The following LRP1B variants were observed in gnomAD, a reference collection of about 807,000 sequenced individuals.
LRP1B encodes the protein LDL receptor related protein 1B, also known as low-density lipoprotein receptor-related protein 1B.
In LRP1B, 217 loss-of-function variants were observed where a neutral mutation model predicts 556.6. The observed-to-expected ratio is 0.39, with a 90% CI of 0.35 to 0.44. LRP1B has a LOEUF of 0.44. Among genes scored for constraint, LRP1B ranks in the 20% least tolerant of loss-of-function variants. The pLI, the probability that LRP1B is intolerant of heterozygous loss-of-function variation, is 1.00. For missense variants in LRP1B, 5,053 were observed against 5,620.8 expected (o/e 0.90, Z 3.23); for synonymous variants, 2,047 against 1,865.8 (o/e 1.10, Z -2.50).
intron 37 of LRP1B, among the ~76,000 whole-genome samples, chr2:140,710,275 A>G (rs1399991082): frequency 6.6e-6 from 1 of 152,062 alleles, no homozygotes; most frequent in African/African-American, 2.4e-5. Context: ...ACTTGTTGAC[A>G]GATGGAAATA....
intron 3 of LRP1B, among the ~76,000 whole-genome samples, chr2:141,284,586 G>T (rs1003128178): frequency 6.6e-6 from 1 of 152,140 alleles, no homozygotes; most frequent in African/African-American, 2.4e-5. Flanking sequence ...TCCTCTAAAA[G>T]CTTTACGATT....
chr2:140,890,224 T>C (rs1693760064), intron 23 of LRP1B, among the ~76,000 whole-genome samples: 3 of 152,036 alleles, frequency 2.0e-5, no homozygotes, highest in Non-Finnish European at 4.4e-5. Flanking sequence ...TACACCAGGC[T>C]CTCAAAAGGG....
At chr2:142,078,842 T>C (rs1035106344) in intron 1 of LRP1B, among the ~76,000 whole-genome samples, 4 of 150,160 alleles carry the variant, frequency 2.7e-5, no homozygotes, top group South Asian at 2.1e-4. Context: ...TATACATGTA[T>C]AGTGCCTAAA....
At chr2:140,570,765 C>T (rs1681294157) in intron 43 of LRP1B, among the ~76,000 whole-genome samples, 1 of 151,688 alleles carries the variant, frequency 6.6e-6, no homozygotes, top group Admixed American at 6.6e-5. Context: ...TACAAAAATT[C>T]TCAACAAAAT....
intron 83 of LRP1B, among the ~76,000 whole-genome samples, chr2:140,302,411 C>G (rs1683873278): frequency 6.6e-6 from 1 of 152,190 alleles, no homozygotes; most frequent in African/African-American, 2.4e-5. Flanking sequence ...TACATACTTT[C>G]ACTAGACTAT....
In LRP1B at chr2:140,980,403, T is replaced by A. The variant is rs547913546; in HGVS notation, c.2887+1757A>T. Among the ~76,000 whole-genome samples, 6 of 152,290 alleles carry A rather than the reference T, an allele frequency of 3.9e-5. No individual in the cohort carries two copies. In the East Asian group the frequency reaches 1.2e-3, roughly 29 times the overall value. On this transcript the variant is annotated intron_variant, in intron 18 of 90. Transcript: ENST00000389484. ...ATAGTGGAAAAGAGAGAGAATACAC[T>A]GCTCAACCCACTTTATTGGTCAGGC...
intron 41 of LRP1B, among the ~76,000 whole-genome samples, chr2:140,659,451 G>T (rs1018202636): frequency 7.2e-5 from 11 of 151,954 alleles, no homozygotes; most frequent in African/African-American, 2.7e-4. Context: ...TTAGTGATGT[G>T]GTGCCAGACC....
chr2:140,807,861 G>T (rs1038664212), intron 32 of LRP1B, among the ~76,000 whole-genome samples: 10 of 151,872 alleles, frequency 6.6e-5, no homozygotes, highest in African/African-American at 1.7e-4. Flanking sequence ...GGAGGCCAAG[G>T]TGGGTGGATC....
intron 66 of LRP1B, among the ~76,000 whole-genome samples, chr2:140,432,874 T>G (rs1429172553): frequency 6.6e-6 from 1 of 151,260 alleles, no homozygotes. Flanking sequence ...TTCCTGACTC[T>G]TTTTTGTAGT....
chr2:140,669,308 A>G, intron 41 of LRP1B, among the ~76,000 whole-genome samples: 1 of 152,200 alleles, frequency 6.6e-6, no homozygotes, highest in Admixed American at 6.5e-5. Context: ...ACAGTAGTAT[A>G]TCATGTTAAT....
chr2:141,331,398 T>C (rs111864832), intron 3 of LRP1B, among the ~76,000 whole-genome samples: 3,202 of 152,256 alleles, frequency 0.021, 56 homozygotes, highest in Non-Finnish European at 0.034. Flanking sequence ...ATTGGGTTGA[T>C]ATGGAGATGG....
chr2:141,765,188 G>A lies in LRP1B; in HGVS notation c.205+45091C>T, dbSNP rs533892095. On this transcript the variant is annotated intron_variant, in intron 2 of 90. Coordinates refer to ENST00000389484, the MANE Select transcript of LRP1B (RefSeq NM_018557.3). The stretch of plus-strand genomic sequence containing the variant: ...TTTAGTATAACCTGAGAGAAGCAGA[G>A]ATCCGTAAACAGTGTAAATGGTTAA... Among the ~76,000 whole-genome samples, 91 of 152,292 alleles carry A rather than the reference G, an allele frequency of 6.0e-4. 1 individual carries two copies. Among genetic ancestry groups the A allele is most frequent in the African/African-American group, 2.0e-3 (82 of 41,564 alleles).
chr2:141,512,556 G>A (rs953791998), intron 2 of LRP1B, among the ~76,000 whole-genome samples: 21 of 152,278 alleles, frequency 1.4e-4, no homozygotes, highest in Middle Eastern at 3.4e-3. Context: ...GTTCCTGAAT[G>A]ACTTCATGGA....
At chr2:141,993,472 TG>T (rs1702400376) in intron 1 of LRP1B, among the ~76,000 whole-genome samples, 1 of 152,240 alleles carries the variant, frequency 6.6e-6, no homozygotes, top group Admixed American at 6.5e-5. Context: ...CGGCTCCCAT[TG>T]GTAATGCCTA....
Position 140,850,107 on chromosome 2 carries a change from G to T in LRP1B, c.4934C>A (p.Ser1645Ter), listed in dbSNP as rs375614524. The part of the protein sequence containing the change: ...INGTGLETVI[S>*]RDIQSIRGLA... ...AACATGTACGAATCTTTTACCTCTT[G>T]AAATAACAGTTTCTAACCCAGTTCC... Residue 1645 changes from serine (S) to a stop codon, truncating the protein, a stop_gained, in exon 29 of 91, where the codon TCA (serine) becomes TAA (stop). Transcript: ENST00000389484. LOFTEE classifies it high-confidence loss of function. 1 of 1,594,182 alleles carries T rather than the reference G, an allele frequency of 6.3e-7. No homozygotes were observed. Among genetic ancestry groups the T allele is most frequent in the Non-Finnish European group, 8.6e-7 (1 of 1,163,008 alleles).
intron 1 of LRP1B, among the ~76,000 whole-genome samples, chr2:141,937,462 A>G (rs1372264908): frequency 6.6e-6 from 1 of 151,776 alleles, no homozygotes; most frequent in Non-Finnish European, 1.5e-5. Context: ...TGTAGCAAAT[A>G]TGGAGAAACA....
intron 7 of LRP1B, among the ~76,000 whole-genome samples, chr2:141,131,954 A>G (rs2105029163): frequency 6.6e-6 from 1 of 152,008 alleles, no homozygotes; most frequent in South Asian, 2.1e-4. Context: ...GTATACGTTG[A>G]ACCCAATTTG....
At chr2:141,643,068 A>G (rs1024028912) in intron 2 of LRP1B, among the ~76,000 whole-genome samples, 1 of 152,190 alleles carries the variant, frequency 6.6e-6, no homozygotes, top group Non-Finnish European at 1.5e-5. Context: ...AAATGTCGAT[A>G]TGAAATGTAC....
intron 31 of LRP1B, among the ~76,000 whole-genome samples, chr2:140,831,353 C>T (rs1276837524): frequency 6.6e-6 from 1 of 152,062 alleles, no homozygotes; most frequent in Non-Finnish European, 1.5e-5. Flanking sequence ...CGCTAGAGAA[C>T]TCAGAAATAA....
Sources: gnomAD v4.1 joint callset for allele counts (sites outside exome capture counted in the v4.1 genomes callset) on GRCh38, gnomAD v4.1.1 for gene constraint, MANE v1.5 for transcripts, NCBI Gene and HGNC (gene_info 2026-07-23, HGNC 2026-07-21) for gene names.